Variants in MIER2 observed in about 807,000 individuals in gnomAD.
MIER2 encodes mesoderm induction early response protein 2.
MIER2 carries 30 observed loss-of-function variants against 67.6 expected under a neutral mutation model. That is an observed-to-expected ratio of 0.44 (90% CI 0.33 to 0.60). MIER2 has a LOEUF of 0.60. Ranked by LOEUF, MIER2 falls within the 20% of genes least tolerant of loss-of-function variation. The pLI is 0.02. For missense variants in MIER2, 702 were observed against 745.1 expected (o/e 0.94, Z 0.67); for synonymous variants, 372 against 312.6 (o/e 1.19, Z -2.00).
At position 308,483 on chromosome 19, in the gene MIER2, A is replaced by G. The variant is rs992187032; in HGVS notation, c.1198+94T>C. 1 of 1,343,688 alleles carries G rather than the reference A, an allele frequency of 7.4e-7. No individual in the cohort carries two copies. The highest frequency in any genetic ancestry group is 1.0e-6 in the Non-Finnish European group (1 of 989,216). The allele number at this position is 1,343,688 out of a possible 1,614,324, so 83.2% of individuals were successfully genotyped here. On this transcript the variant is annotated intron_variant, in intron 12 of 13. Transcript: ENST00000264819. The surrounding 1 kb of genome is among the most constrained non-coding windows in gnomAD (Gnocchi z 9.1). ...CTCCTCCTGGCGAGGCTGGCCCAGCACAGGGCGCCAGGCAGGAGAGGCTCC... is the reference window on the plus strand; with the variant it reads ...CTCCTCCTGGCGAGGCTGGCCCAGCGCAGGGCGCCAGGCAGGAGAGGCTCC...
intron 10 of MIER2, among the ~76,000 whole-genome samples, chr19:310,952 A>G (rs1405279661): frequency 6.6e-6 from 1 of 152,214 alleles, no homozygotes; most frequent in African/African-American, 2.4e-5. Context: ...GTCTCCAATC[A>G]AAACACCACG....
intron 10 of MIER2, among the ~76,000 whole-genome samples, chr19:309,953 GACAC>G (rs1245795941): frequency 8.8e-5 from 9 of 102,722 alleles, no homozygotes; most frequent in South Asian, 2.9e-4. Context: ...GACGAGAAGA[GACAC>G]ACACACGCAC....
Position 305,648 on chromosome 19 carries a change from C to G in MIER2, c.*1042G>C, listed in dbSNP as rs1207412273. On this transcript the variant is annotated 3_prime_UTR_variant, in exon 14 of 14. Transcript: ENST00000264819. ...GCAGTTATCACTTCACAGTGTGGTC[C>G]TTGGTGGGGTGAGGGATGGTCGAGT... 2 of 152,486 alleles carry G rather than the reference C, an allele frequency of 1.3e-5. No homozygotes were observed. Among genetic ancestry groups the G allele is most frequent in the Admixed American group, 6.5e-5 (1 of 15,284 alleles). 9.4% of individuals were successfully genotyped at this position (152,486 alleles called of 1,614,324 possible).
rs1266975332 is a variant in MIER2 at position 308,077 on chromosome 19, C to T, written c.1198+500G>A. Among the ~76,000 whole-genome samples, 1 of 152,166 alleles carries T rather than the reference C, an allele frequency of 6.6e-6. No individual in the cohort carries two copies. Among genetic ancestry groups the T allele is most frequent in the East Asian group, 1.9e-4 (1 of 5,198 alleles). ...ACAGAGCCAGAAAGCAAAGGATCCT[C>T]GTTTGCACCCTCCCCGTGTGGGTCT... On this transcript the variant is annotated intron_variant, in intron 12 of 13. Coordinates refer to ENST00000264819, the MANE Select transcript of MIER2 (RefSeq NM_017550.3). This position sits in a 1 kb window ranked among gnomAD's most constrained non-coding sequence, Gnocchi z 9.1.
Position 307,802 on chromosome 19 carries a change from G to A in MIER2, c.1199-266C>T, listed in dbSNP as rs537975851. Among the ~76,000 whole-genome samples, 3 of 152,166 alleles carry A rather than the reference G, an allele frequency of 2.0e-5. No individual in the cohort carries two copies. The South Asian group carries it at 6.2e-4, about 32-fold the overall frequency. ...AGAGCAGAATACAATAGACATAGGT[G>A]TAAACAATGCCGGGGGCACTGCAGA... is the stretch of plus-strand genomic sequence containing the variant. On this transcript the variant is annotated intron_variant, in intron 12 of 13. Coordinates refer to ENST00000264819, the MANE Select transcript of MIER2 (RefSeq NM_017550.3).
At chr19:311,099 G>A (rs1385071005) in intron 10 of MIER2, among the ~76,000 whole-genome samples, 2 of 152,232 alleles carry the variant, frequency 1.3e-5, no homozygotes, top group Non-Finnish European at 2.9e-5. Flanking sequence ...ACGACATCGG[G>A]CCCCAAATGG....
At position 307,247 on chromosome 19, in the gene MIER2, A is replaced by G. The variant is rs745633803; in HGVS notation, c.1488T>C (p.Thr496=). The G allele has an allele frequency of 1.9e-4, 308 of 1,594,704 alleles. 1 individual carries two copies. In the East Asian group the frequency reaches 2.6e-3, roughly 13 times the overall value. ...ACAAAGCCACCTGTGCTGGGGCCAC[A>G]GTCTCCTCCGGATCCCCGCTGAGGT... ...HVDLSGDPEE[T]VAPAQVALSV... The change falls in exon 13 of 14, where the codon ACT becomes ACC. Residue 496 remains threonine, a synonymous_variant. Transcript: ENST00000264819.
intron 7 of MIER2, among the ~76,000 whole-genome samples, chr19:314,371 G>C (rs939010673): frequency 2.6e-5 from 4 of 152,234 alleles, no homozygotes; most frequent in Admixed American, 2.6e-4. Flanking sequence ...CGTGACTGGG[G>C]ACAAGGCAGG....
chr19:321,163 C>T (rs1157539568), intron 7 of MIER2, among the ~76,000 whole-genome samples: 1 of 152,198 alleles, frequency 6.6e-6, no homozygotes, highest in Non-Finnish European at 1.5e-5. Context: ...TCTGCTGGCG[C>T]CTGACCGTAA....
intron 1 of MIER2, among the ~76,000 whole-genome samples, chr19:338,881 C>T (rs972153958): frequency 6.6e-6 from 1 of 152,158 alleles, no homozygotes; most frequent in Non-Finnish European, 1.5e-5. Context: ...ACCCCTATCT[C>T]ATACCATATG....
At chr19:334,148 A>C in intron 3 of MIER2, 1 of 421,834 alleles carries the variant, frequency 2.4e-6, no homozygotes, top group South Asian at 3.4e-5. Context: ...AATTTTTAAG[A>C]GTACAAAGCA....
At chr19:331,879 G>A (rs1400043828) in intron 3 of MIER2, among the ~76,000 whole-genome samples, 7 of 152,128 alleles carry the variant, frequency 4.6e-5, no homozygotes, top group Admixed American at 3.3e-4. Context: ...TACTCGGGAG[G>A]CTGAGGTAGG....
At chr19:333,751 C>A (rs180996987) in intron 3 of MIER2, among the ~76,000 whole-genome samples, 1 of 137,088 alleles carries the variant, frequency 7.3e-6, no homozygotes, top group Non-Finnish European at 1.6e-5. Flanking sequence ...TGCAGTGGCA[C>A]GATCTCAGCT....
intron 1 of MIER2, chr19:343,855 G>A (rs1972616165): frequency 1.0e-6 from 1 of 985,342 alleles, no homozygotes; most frequent in Non-Finnish European, 1.2e-6. Context: ...GTGAAAGCAA[G>A]TCCACACAGG....
At position 307,169 on chromosome 19, in the gene MIER2, G is replaced by A. The variant is rs143955573; in HGVS notation, c.1566C>T (p.Ala522=). The A allele has an allele frequency of 2.4e-4, 379 of 1,587,830 alleles. No homozygotes were observed. Among genetic ancestry groups the A allele is most frequent in the Non-Finnish European group, 3.0e-4 (352 of 1,167,342 alleles). ...CGGGGGCCGGGCACGTGGGGTGGGC[G>A]GCCAGGAAGGGGTTCACGTCCCCAA... ...IGIGDVNPFL[A]AHPTCPAPGL... The change falls in exon 13 of 14, where the codon GCC becomes GCT. Residue 522 remains alanine, a synonymous_variant. Coordinates refer to ENST00000264819, the MANE Select transcript of MIER2 (RefSeq NM_017550.3).
At chr19:326,168 G>A (rs908015883) in intron 6 of MIER2, among the ~76,000 whole-genome samples, 11 of 151,972 alleles carry the variant, frequency 7.2e-5, no homozygotes, top group Admixed American at 3.3e-4. Flanking sequence ...TTGGGGACAC[G>A]GCAGAACCAC....
intron 10 of MIER2, among the ~76,000 whole-genome samples, chr19:310,716 G>T (rs951774300): frequency 2.2e-5 from 2 of 92,662 alleles, no homozygotes; most frequent in Admixed American, 2.4e-4. Flanking sequence ...GGAGCTATAG[G>T]AACATGGCCC....
chr19:308,524 C>T lies in MIER2; in HGVS notation c.1198+53G>A, dbSNP rs112271428. 3.2e-5 allele frequency: 48 copies of T among 1,516,372 alleles called. No homozygotes were observed. Among genetic ancestry groups the T allele is most frequent in the African/African-American group, 4.1e-5 (3 of 72,810 alleles). 93.9% of individuals were successfully genotyped at this position (1,516,372 alleles called of 1,614,324 possible). On this transcript the variant is annotated intron_variant, in intron 12 of 13. Transcript: ENST00000264819. The surrounding 1 kb of genome is among the most constrained non-coding windows in gnomAD (Gnocchi z 9.1). ...GAGAGGCTCCACCGGGCCTCACTCA[C>T]GGCTCCAGACCCGTGGCCGCCCCCA...
chr19:315,442 G>C (rs1042252430), intron 7 of MIER2, among the ~76,000 whole-genome samples: 1 of 152,220 alleles, frequency 6.6e-6, no homozygotes, highest in Non-Finnish European at 1.5e-5. Flanking sequence ...GTCAGCACAC[G>C]AAGACTTCAA....
Sources: allele counts gnomAD v4.1 joint callset (sites outside exome capture counted in the v4.1 genomes callset), GRCh38; gene constraint gnomAD v4.1.1; non-coding constraint Gnocchi (gnomAD v3.1); transcripts MANE v1.5; gene names NCBI Gene and HGNC (gene_info 2026-07-23, HGNC 2026-07-21).